The following LEKR1 variants were observed in gnomAD, a reference collection of about 807,000 sequenced individuals.
The protein encoded by LEKR1 is protein LEKR1.
In LEKR1, 59 loss-of-function variants were observed where a neutral mutation model predicts 72.4. That is an observed-to-expected ratio of 0.82 (90% CI 0.66 to 1.01). The LOEUF is 1.01. LEKR1 is among the 50% of genes least tolerant of loss of function. The probability of loss-of-function intolerance (pLI) is 0.00; values close to 1 mark genes in which losing one functional copy is unlikely to be tolerated. For synonymous variants in LEKR1, 257 were observed against 263.2 expected (o/e 0.98, Z 0.23); for missense variants, 728 against 759.2 (o/e 0.96, Z 0.48).
rs920177786 is a variant in LEKR1 at position 157,030,385 on chromosome 3, T to C, written c.1668+1983T>C. On this transcript the variant is annotated intron_variant, in intron 12 of 12. Transcript: ENST00000356539. Reference sequence around the variant, plus strand: ...CATCTATCTGGGTGCCAGGCACGTGTTAGATAGGTACTGGTGATGTAATTA... The same window carrying C: ...CATCTATCTGGGTGCCAGGCACGTGCTAGATAGGTACTGGTGATGTAATTA... Among the ~76,000 whole-genome samples, 11 of 152,292 alleles carry C rather than the reference T, an allele frequency of 7.2e-5. No homozygotes were observed. The South Asian group carries it at 8.3e-4, about 11-fold the overall frequency.
chr3:157,016,044 C>CA (rs1222434948), intron 10 of LEKR1, among the ~76,000 whole-genome samples: 2 of 151,598 alleles, frequency 1.3e-5, no homozygotes, highest in Non-Finnish European at 2.9e-5. Context: ...GACTCCAAAA[C>CA]AAAAACAAAC....
At chr3:157,027,859 T>C (rs1734318991) in intron 11 of LEKR1, among the ~76,000 whole-genome samples, 1 of 152,130 alleles carries the variant, frequency 6.6e-6, no homozygotes, top group Admixed American at 6.6e-5. Flanking sequence ...TAGCTTAATA[T>C]AGTCACAGAA....
intron 2 of LEKR1, among the ~76,000 whole-genome samples, chr3:156,833,274 A>G (rs1712672970): frequency 6.6e-6 from 1 of 152,184 alleles, no homozygotes; most frequent in African/African-American, 2.4e-5. Context: ...TTCTCCCTCT[A>G]TATTAATGGC....
chr3:156,925,206 G>T (rs1432448388), intron 4 of LEKR1: 1 of 151,648 alleles, frequency 6.6e-6, no homozygotes, highest in East Asian at 1.9e-4. Flanking sequence ...TTTTATCTTG[G>T]GGATTGGTCA....
At chr3:156,847,412 G>A (rs899859997) in intron 2 of LEKR1, among the ~76,000 whole-genome samples, 2 of 152,106 alleles carry the variant, frequency 1.3e-5, no homozygotes, top group African/African-American at 2.4e-5. Context: ...TTAATGATAG[G>A]CCTTTTGTCA....
At chr3:156,944,750 C>T (rs1726534709) in intron 6 of LEKR1, among the ~76,000 whole-genome samples, 1 of 151,744 alleles carries the variant, frequency 6.6e-6, no homozygotes, top group African/African-American at 2.4e-5. Context: ...GATTGTATCT[C>T]ATTCTTTTTA....
chr3:156,887,346 G>T (rs993594982), intron 3 of LEKR1, among the ~76,000 whole-genome samples: 2 of 152,054 alleles, frequency 1.3e-5, no homozygotes, highest in East Asian at 3.8e-4. Flanking sequence ...GTGGAGTGAG[G>T]CAGTGAGTGT....
At chr3:156,832,771 A>G (rs1223337477) in intron 2 of LEKR1, among the ~76,000 whole-genome samples, 2 of 152,166 alleles carry the variant, frequency 1.3e-5, no homozygotes, top group Middle Eastern at 3.2e-3. Context: ...AGGACAAGGT[A>G]TGAGACCAGT....
intron 9 of LEKR1, among the ~76,000 whole-genome samples, chr3:157,010,493 G>C (rs1024983103): frequency 1.3e-5 from 2 of 152,018 alleles, no homozygotes; most frequent in African/African-American, 4.8e-5. Flanking sequence ...TTAGGGTGGA[G>C]ATGTTGAACA....
At chr3:156,932,705 CAAAAAA>C (rs71141797) in intron 5 of LEKR1, among the ~76,000 whole-genome samples, 1 of 99,774 alleles carries the variant, frequency 1.0e-5, no homozygotes. Flanking sequence ...GACTCTGTCT[CAAAAAA>C]AAAAAAAAAA....
intron 7 of LEKR1, among the ~76,000 whole-genome samples, chr3:156,989,866 C>T (rs989238323): frequency 2.2e-4 from 33 of 151,936 alleles, no homozygotes; most frequent in African/African-American, 7.7e-4. Flanking sequence ...AATTTTTTTC[C>T]TGAACCGTTT....
chr3:156,968,928 T>C (rs4680323), intron 6 of LEKR1, among the ~76,000 whole-genome samples: 93,020 of 151,976 alleles, frequency 0.61, 29,611 homozygotes, highest in Admixed American at 0.74. Context: ...CAAACTGCCT[T>C]TCAGACCACA....
At chr3:157,030,980 G>C (rs1734561366) in intron 12 of LEKR1, among the ~76,000 whole-genome samples, 2 of 152,152 alleles carry the variant, frequency 1.3e-5, no homozygotes, top group Non-Finnish European at 2.9e-5. Flanking sequence ...TCTCGGAAGA[G>C]ACATACCAGT....
intron 3 of LEKR1, among the ~76,000 whole-genome samples, chr3:156,884,618 T>G (rs914851549): frequency 6.6e-6 from 1 of 152,230 alleles, no homozygotes; most frequent in African/African-American, 2.4e-5. Flanking sequence ...CAATCCCTTC[T>G]GGCTTGTAAG....
chr3:156,970,970 A>G (rs1443824676), intron 6 of LEKR1, among the ~76,000 whole-genome samples: 1 of 151,764 alleles, frequency 6.6e-6, no homozygotes. Context: ...GACTTTCTTC[A>G]CAGAATTGGA....
intron 2 of LEKR1, among the ~76,000 whole-genome samples, chr3:156,837,488 A>G (rs1713302523): frequency 6.6e-6 from 1 of 152,234 alleles, no homozygotes; most frequent in Non-Finnish European, 1.5e-5. Flanking sequence ...AATCTCGTCC[A>G]GTTTTTGTTT....
At chr3:157,022,065 G>T (rs1449300434) in intron 10 of LEKR1, among the ~76,000 whole-genome samples, 1 of 152,104 alleles carries the variant, frequency 6.6e-6, no homozygotes, top group Non-Finnish European at 1.5e-5. Context: ...ATCCAGGACT[G>T]CCACCATACA....
intron 3 of LEKR1, among the ~76,000 whole-genome samples, chr3:156,866,609 G>A (rs1010438272): frequency 1.3e-5 from 2 of 151,900 alleles, no homozygotes; most frequent in Non-Finnish European, 2.9e-5. Flanking sequence ...GTTATATGTA[G>A]CCAAATGCAA....
chr3:156,888,901 A>C (rs903998432), intron 3 of LEKR1, among the ~76,000 whole-genome samples: 1 of 152,232 alleles, frequency 6.6e-6, no homozygotes, highest in Non-Finnish European at 1.5e-5. Context: ...TTGAAAAATT[A>C]ACTTAAGCAT....
Sources: allele counts gnomAD v4.1 joint callset (sites outside exome capture counted in the v4.1 genomes callset), GRCh38; gene constraint gnomAD v4.1.1; transcripts MANE v1.5; gene names NCBI Gene and HGNC (gene_info 2026-07-23, HGNC 2026-07-21).